AFG2A: variants seen among roughly 807,000 people sequenced by gnomAD.
AFG2A encodes AAA ATPase AFG2A, also known as ATPase family gene 2 protein homolog A.
At chr4:122,964,282 C>A in the AFG2A span, among the ~76,000 whole-genome samples, 2 of 151,662 alleles carry the variant, frequency 1.3e-5, no homozygotes, top group Non-Finnish European at 2.9e-5. Flanking sequence ...GGCGGGTGGA[C>A]CACTTGAGGT....
the AFG2A span, among the ~76,000 whole-genome samples, chr4:122,984,103 A>G: frequency 3.9e-5 from 6 of 152,070 alleles, no homozygotes; most frequent in Non-Finnish European, 8.8e-5. Context: ...CACACTAGGG[A>G]TGTGTTTCCA....
chr4:123,233,805 G>T, the AFG2A span, among the ~76,000 whole-genome samples: 1 of 151,884 alleles, frequency 6.6e-6, no homozygotes, highest in Non-Finnish European at 1.5e-5. Flanking sequence ...GTAAATATAT[G>T]TGAAAATACT....
chr4:123,020,405 G>A, the AFG2A span, among the ~76,000 whole-genome samples: 620 of 148,050 alleles, frequency 4.2e-3, 2 homozygotes, highest in African/African-American at 0.015. Flanking sequence ...TTTCACTCTT[G>A]GCGTTCAGGC....
the AFG2A span, chr4:123,315,750 G>A: frequency 1.3e-5 from 2 of 152,070 alleles, no homozygotes; most frequent in African/African-American, 4.8e-5. Context: ...CAAAATAATG[G>A]GCTATACAGT....
chr4:123,041,686 TC>T, the AFG2A span, among the ~76,000 whole-genome samples: 1,495 of 151,944 alleles, frequency 9.8e-3, 16 homozygotes, highest in Non-Finnish European at 0.016. Flanking sequence ...GTGCTACTAC[TC>T]CCAGCTAATT....
the AFG2A span, among the ~76,000 whole-genome samples, chr4:123,004,149 A>G: frequency 6.6e-6 from 1 of 152,172 alleles, no homozygotes; most frequent in East Asian, 1.9e-4. Context: ...GCCGTTTCCT[A>G]AGCCCGTTGG....
chr4:123,056,918 A>G, the AFG2A span, among the ~76,000 whole-genome samples: 9 of 152,350 alleles, frequency 5.9e-5, no homozygotes, highest in Middle Eastern at 0.017. Flanking sequence ...CACAGTTACT[A>G]GTAGTGCAGC....
the AFG2A span, among the ~76,000 whole-genome samples, chr4:123,145,623 G>A: frequency 3.9e-5 from 6 of 152,076 alleles, no homozygotes; most frequent in East Asian, 9.6e-4. Context: ...ATCCAAAGCC[G>A]GTGACATTAA....
chr4:123,132,957 G>A, the AFG2A span, among the ~76,000 whole-genome samples: 5 of 151,614 alleles, frequency 3.3e-5, no homozygotes, highest in African/African-American at 9.7e-5. Context: ...ATTTTTTGTA[G>A]TTTTAGTAGA....
the AFG2A span, among the ~76,000 whole-genome samples, chr4:123,140,820 G>A: frequency 6.6e-6 from 1 of 152,080 alleles, no homozygotes; most frequent in African/African-American, 2.4e-5. Flanking sequence ...CTTGTAGGAT[G>A]AGAAAGATTT....
chr4:123,305,258 G>A, the AFG2A span, among the ~76,000 whole-genome samples: 1 of 152,138 alleles, frequency 6.6e-6, no homozygotes, highest in Non-Finnish European at 1.5e-5. Flanking sequence ...ATCTCTGAGA[G>A]GCAGTTAAGA....
the AFG2A span, among the ~76,000 whole-genome samples, chr4:123,201,263 A>G: frequency 3.9e-5 from 6 of 152,224 alleles, no homozygotes; most frequent in Admixed American, 2.0e-4. Flanking sequence ...ACTACCTGAC[A>G]AGTTGGAAAA....
At chr4:123,127,381 C>G in the AFG2A span, among the ~76,000 whole-genome samples, 1 of 152,112 alleles carries the variant, frequency 6.6e-6, no homozygotes, top group African/African-American at 2.4e-5. Flanking sequence ...AGAGGGCAGT[C>G]AAACCATAGT....
the AFG2A span, among the ~76,000 whole-genome samples, chr4:123,179,198 A>T: frequency 6.6e-6 from 1 of 152,318 alleles, no homozygotes; most frequent in Non-Finnish European, 1.5e-5. Context: ...TTTCCTTCAG[A>T]TGCCAGCAAT....
the AFG2A span, among the ~76,000 whole-genome samples, chr4:123,152,824 A>C: frequency 6.6e-6 from 1 of 152,250 alleles, no homozygotes; most frequent in African/African-American, 2.4e-5. Context: ...AGCTTTATTC[A>C]TAATTGCCAA....
At chr4:123,019,171 G>T in the AFG2A span, among the ~76,000 whole-genome samples, 973 of 152,088 alleles carry the variant, frequency 6.4e-3, 13 homozygotes, top group African/African-American at 0.022. Flanking sequence ...GTGATCCTGA[G>T]ACCTTAGGGT....
chr4:123,004,092 G>T, the AFG2A span, among the ~76,000 whole-genome samples: 1 of 152,190 alleles, frequency 6.6e-6, no homozygotes, highest in Non-Finnish European at 1.5e-5. Context: ...GAGACTCCGT[G>T]GGCGTAGGAC....
At chr4:123,063,137 A>G in the AFG2A span, among the ~76,000 whole-genome samples, 4 of 152,166 alleles carry the variant, frequency 2.6e-5, no homozygotes, top group Non-Finnish European at 5.9e-5. Context: ...GTTACTTGAA[A>G]TCTAAAACAA....
At chr4:122,953,047 T>C in the AFG2A span, among the ~76,000 whole-genome samples, 2,162 of 152,244 alleles carry the variant, frequency 0.014, 56 homozygotes, top group African/African-American at 0.05. Context: ...TAATGCCTCC[T>C]TGGGCTAACT....
Sources: allele counts gnomAD v4.1 joint callset (sites outside exome capture counted in the v4.1 genomes callset), GRCh38; gene constraint gnomAD v4.1.1; transcripts MANE v1.5; gene names NCBI Gene and HGNC (gene_info 2026-07-23, HGNC 2026-07-21).